Variants in NR2F1-AS1 observed in about 807,000 individuals in gnomAD.
NR2F1-AS1 encodes NR2F1 antisense RNA 1.
intron 4 of NR2F1-AS1, among the ~76,000 whole-genome samples, chr5:93,454,566 T>G (rs1414947890): frequency 6.6e-6 from 1 of 152,178 alleles, no homozygotes; most frequent in African/African-American, 2.4e-5. Flanking sequence ...TCCTAAGTGA[T>G]AGTAGCATCT....
intron 1 of NR2F1-AS1, among the ~76,000 whole-genome samples, chr5:93,578,226 C>G (rs1228454240): frequency 2.6e-5 from 4 of 152,304 alleles, no homozygotes; most frequent in Non-Finnish European, 2.9e-5. Flanking sequence ...TTCTCTTCCT[C>G]TCTCACCAGA....
At chr5:93,541,097 T>C (rs1263663054) in intron 4 of NR2F1-AS1, among the ~76,000 whole-genome samples, 1 of 152,176 alleles carries the variant, frequency 6.6e-6, no homozygotes, top group Non-Finnish European at 1.5e-5. Flanking sequence ...TGTATTTGAG[T>C]TAATTTTGAC....
In NR2F1-AS1 at chr5:93,579,673, C is replaced by G. The variant is rs1431306790; in HGVS notation, n.313+794G>C. On this transcript the variant is annotated intron_variant and non_coding_transcript_variant, in intron 1 of 5. Transcript: ENST00000660523. This position sits in a 1 kb window ranked among gnomAD's most constrained non-coding sequence, Gnocchi z 5.1. Reference sequence around the variant, plus strand: ...TCTGACGCAAACGCACGCCCCTGCCCCGCACGGAGGAAAGCGCTCTTGTTG... The same window carrying G: ...TCTGACGCAAACGCACGCCCCTGCCGCGCACGGAGGAAAGCGCTCTTGTTG... Among the ~76,000 whole-genome samples, 1 of 151,984 alleles carries G rather than the reference C, an allele frequency of 6.6e-6. No individual in the cohort carries two copies. The highest frequency in any genetic ancestry group is 1.5e-5 in the Non-Finnish European group (1 of 67,954).
intron 4 of NR2F1-AS1, among the ~76,000 whole-genome samples, chr5:93,509,599 G>C (rs1352888866): frequency 1.3e-5 from 2 of 151,786 alleles, no homozygotes; most frequent in African/African-American, 4.8e-5. Flanking sequence ...AGACAGAATG[G>C]GATGTGAAGG....
Position 93,549,786 on chromosome 5 carries a change from A to G in NR2F1-AS1, n.638+3975T>C, listed in dbSNP as rs1363428272. 3.9e-5 allele frequency among the ~76,000 whole-genome samples: 6 copies of G among 152,236 alleles called. No homozygotes were observed. The East Asian group carries it at 1.2e-3, about 29-fold the overall frequency. On this transcript the variant is annotated intron_variant and non_coding_transcript_variant, in intron 4 of 5. Transcript: ENST00000660523. ...ACACCATGGAATACTATGCAGCCAT[A>G]AAAAAGGATGGGTTCATGTCCTTTG...
Position 93,444,710 on chromosome 5 carries a change from T to A in NR2F1-AS1, n.639-49168A>T, listed in dbSNP as rs553547081. On this transcript the variant is annotated intron_variant and non_coding_transcript_variant, in intron 4 of 5. Coordinates refer to ENST00000660523, the Ensembl canonical transcript of NR2F1-AS1. ...CTGCACCAAGCAGACCTAATAGACA[T>A]CTACAGAACTCTCCACCCCAAATCA... is the stretch of plus-strand genomic sequence containing the variant. Among the ~76,000 whole-genome samples the A allele has an allele frequency of 9.2e-4, 140 of 152,290 alleles. 3 individuals are homozygous for A. The highest frequency in any genetic ancestry group is 2.7e-3 in the African/African-American group (114 of 41,544).
At chr5:93,555,116 C>A (rs1346964510) in intron 2 of NR2F1-AS1, 3 of 152,138 alleles carry the variant, frequency 2.0e-5, no homozygotes, top group Non-Finnish European at 4.4e-5. Context: ...TATCATCCCC[C>A]ACCAACTCAC....
intron 1 of NR2F1-AS1, among the ~76,000 whole-genome samples, chr5:93,567,877 G>T (rs1465161791): frequency 1.3e-5 from 2 of 152,198 alleles, no homozygotes; most frequent in Non-Finnish European, 2.9e-5. Context: ...GGAGATGAAC[G>T]TTTTTAAATA....
chr5:93,457,455 T>G (rs561121405), intron 4 of NR2F1-AS1, among the ~76,000 whole-genome samples: 1 of 152,326 alleles, frequency 6.6e-6, no homozygotes, highest in East Asian at 1.9e-4. Flanking sequence ...AGGGTAGGGT[T>G]ACAGATTAAC....
At chr5:93,553,071 C>T (rs1211823542) in intron 4 of NR2F1-AS1, among the ~76,000 whole-genome samples, 1 of 151,734 alleles carries the variant, frequency 6.6e-6, no homozygotes, top group East Asian at 1.9e-4. Context: ...GACTAAATAA[C>T]CTATTTGAAA....
At chr5:93,504,354 G>T (rs1266216122) in intron 4 of NR2F1-AS1, among the ~76,000 whole-genome samples, 1 of 152,010 alleles carries the variant, frequency 6.6e-6, no homozygotes, top group Admixed American at 6.6e-5. Flanking sequence ...AGATATCAAA[G>T]AAATTAATTC....
intron 1 of NR2F1-AS1, among the ~76,000 whole-genome samples, chr5:93,564,137 A>C (rs933718658): frequency 3.0e-4 from 38 of 126,290 alleles, no homozygotes; most frequent in South Asian, 1.2e-3. Context: ...AAAAAAAAAA[A>C]AAAAAAAAAA....
intron 4 of NR2F1-AS1, among the ~76,000 whole-genome samples, chr5:93,533,020 TTTAG>T (rs1751765901): frequency 6.6e-6 from 1 of 152,196 alleles, no homozygotes; most frequent in African/African-American, 2.4e-5. Flanking sequence ...CACACGATCT[TTTAG>T]TTATTCATGT....
intron 4 of NR2F1-AS1, among the ~76,000 whole-genome samples, chr5:93,527,343 A>G (rs190254358): frequency 1.3e-5 from 2 of 152,344 alleles, no homozygotes; most frequent in African/African-American, 4.8e-5. Flanking sequence ...AGGAAATAAG[A>G]GAGGACAGAA....
chr5:93,511,533 G>A (rs1751295327), intron 4 of NR2F1-AS1, among the ~76,000 whole-genome samples: 1 of 152,162 alleles, frequency 6.6e-6, no homozygotes, highest in South Asian at 2.1e-4. Context: ...ATATATGACT[G>A]TGGTCTCAAA....
chr5:93,584,912 GC>G (rs1753200111), upstream of NR2F1-AS1: 2 of 23,736 alleles, frequency 8.4e-5, no homozygotes, highest in East Asian at 1.6e-3. Context: ...CGGGCCCCCC[GC>G]CCCCTCCCCC....
intron 4 of NR2F1-AS1, among the ~76,000 whole-genome samples, chr5:93,503,802 A>C (rs1023780176): frequency 3.3e-5 from 5 of 152,220 alleles, no homozygotes; most frequent in Non-Finnish European, 4.4e-5. Context: ...CTCCATGAGC[A>C]GAGGACTTTT....
chr5:93,475,132 A>G (rs1750455441), intron 4 of NR2F1-AS1, among the ~76,000 whole-genome samples: 2 of 152,002 alleles, frequency 1.3e-5, no homozygotes, highest in Admixed American at 1.3e-4. Flanking sequence ...TCAAAAAAAA[A>G]AAAAAAAAAG....
At chr5:93,528,391 C>T (rs550620973) in intron 4 of NR2F1-AS1, among the ~76,000 whole-genome samples, 1 of 152,280 alleles carries the variant, frequency 6.6e-6, no homozygotes, top group East Asian at 1.9e-4. Context: ...ATTAAAAAGT[C>T]AGCAAACAAC....
Sources: allele counts gnomAD v4.1 joint callset (sites outside exome capture counted in the v4.1 genomes callset), GRCh38; gene constraint gnomAD v4.1.1; non-coding constraint Gnocchi (gnomAD v3.1); transcripts MANE v1.5; gene names NCBI Gene and HGNC (gene_info 2026-07-23, HGNC 2026-07-21).